CRCP: variants seen among roughly 807,000 people sequenced by gnomAD.
The protein encoded by CRCP is CGRP receptor component.
In CRCP, 18 loss-of-function variants were observed where a neutral mutation model predicts 18.5. The ratio of observed to expected loss-of-function variants is 0.97; its 90% CI spans 0.67 to 1.44. The LOEUF is 1.44. CRCP is among the 40% of genes most tolerant of loss of function. CRCP has a pLI of 0.00. For missense variants in CRCP, 130 were observed against 176.4 expected, an observed-to-expected ratio of 0.74 and a Z score of 1.49; for synonymous variants, 53 against 62.9, an observed-to-expected ratio of 0.84 and a Z score of 0.75.
chr7:66,130,097 CTTTTTTTTTTT>C lies in CRCP; in HGVS notation c.46-631_46-621del, dbSNP rs35682014. 1.4e-3 allele frequency: 136 copies of C among 100,576 alleles called. 1 individual carries two copies. Among genetic ancestry groups the C allele is most frequent in the African/African-American group, 9.8e-3 (123 of 12,574 alleles). 6.2% of individuals were successfully genotyped at this position (100,576 alleles called of 1,614,324 possible). Reference sequence around the variant, plus strand: ...ATTTTTATACTAGAGAAGCAGGATTCTTTTTTTTTTTTTTTTTTTTTTTTTTCAGATGGAGT... The same window carrying C: ...ATTTTTATACTAGAGAAGCAGGATTCTTTTTTTTTTTTTTTCAGATGGAGT... On this transcript the variant is annotated intron_variant, in intron 2 of 5. Transcript: ENST00000395326.
At chr7:66,146,034 G>A (rs1418955465) in intron 5 of CRCP, among the ~76,000 whole-genome samples, 1 of 152,078 alleles carries the variant, frequency 6.6e-6, no homozygotes, top group Non-Finnish European at 1.5e-5. Context: ...TGTTGCTTCT[G>A]TCTTCGTTCT....
At chr7:66,150,503 A>G (rs545364132) in intron 5 of CRCP, among the ~76,000 whole-genome samples, 17 of 151,766 alleles carry the variant, frequency 1.1e-4, no homozygotes, top group Admixed American at 2.6e-4. Context: ...ATCCTGGGAC[A>G]CCAGGATTAT....
At chr7:66,140,486 C>G (rs1262146599) in intron 4 of CRCP, among the ~76,000 whole-genome samples, 2 of 151,800 alleles carry the variant, frequency 1.3e-5, no homozygotes, top group African/African-American at 4.8e-5. Flanking sequence ...ACTGCCGCCT[C>G]CTGGGTTCAA....
chr7:66,130,567 T>A (rs1438676597), intron 2 of CRCP, among the ~76,000 whole-genome samples, 177 bp from the exon 3 acceptor site: 4 of 152,206 alleles, frequency 2.6e-5, no homozygotes, highest in Admixed American at 1.3e-4. Context: ...GAACATTTTT[T>A]AAAAATGTAA....
chr7:66,121,160 C>T (rs990188390), intron 1 of CRCP, among the ~76,000 whole-genome samples: 4 of 151,714 alleles, frequency 2.6e-5, no homozygotes, highest in Non-Finnish European at 4.4e-5. Context: ...CTGCAACCTC[C>T]GCCTCCCGAG....
chr7:66,137,510 A>T (rs148108242), intron 4 of CRCP, among the ~76,000 whole-genome samples: 2 of 152,322 alleles, frequency 1.3e-5, no homozygotes, highest in African/African-American at 4.8e-5. Context: ...GAGAGCAGAC[A>T]TCCTCATCTT....
chr7:66,121,609 G>A (rs1001626059), intron 1 of CRCP, among the ~76,000 whole-genome samples: 5 of 151,970 alleles, frequency 3.3e-5, no homozygotes, highest in African/African-American at 4.8e-5. Flanking sequence ...ACAGGCATGC[G>A]CCACCATGCA....
chr7:66,116,697 A>G (rs190838712), intron 1 of CRCP, among the ~76,000 whole-genome samples: 3 of 152,036 alleles, frequency 2.0e-5, no homozygotes, highest in Non-Finnish European at 2.9e-5. Flanking sequence ...CCCCACATAC[A>G]TGTCCCCCTC....
At chr7:66,124,341 C>T (rs1240831076) in intron 1 of CRCP, among the ~76,000 whole-genome samples, 1 of 152,034 alleles carries the variant, frequency 6.6e-6, no homozygotes, top group East Asian at 1.9e-4. Context: ...GCCTGGGAGA[C>T]AGAGCGAGAC....
intron 3 of CRCP, among the ~76,000 whole-genome samples, chr7:66,131,387 C>T (rs1005247229): frequency 2.0e-5 from 3 of 152,110 alleles, no homozygotes; most frequent in Non-Finnish European, 4.4e-5. Context: ...CCTCATTTCT[C>T]CTTGAAAGGG....
Position 66,149,841 on chromosome 7 carries a change from C to CT in CRCP, c.298-2366dup, listed in dbSNP as rs572928542. Among the ~76,000 whole-genome samples the CT allele has an allele frequency of 1.3e-4, 20 of 152,238 alleles. No individual in the cohort carries two copies. In the South Asian group the frequency reaches 4.1e-3, roughly 32 times the overall value. On this transcript the variant is annotated intron_variant, in intron 5 of 5. Transcript: ENST00000395326. ...TTCCCCAAAGAGAGTGGGTCTTACT[C>CT]TGTCACCCAGGCTGGAGTGCAGTGG... is the stretch of plus-strand genomic sequence containing the variant.
chr7:66,141,310 T>C (rs927098036), intron 4 of CRCP, among the ~76,000 whole-genome samples: 11 of 152,194 alleles, frequency 7.2e-5, no homozygotes, highest in African/African-American at 1.7e-4. Flanking sequence ...AAATACTAGA[T>C]CTTATTCATT....
chr7:66,123,144 C>T (rs986609484), intron 1 of CRCP, among the ~76,000 whole-genome samples: 1 of 151,628 alleles, frequency 6.6e-6, no homozygotes, highest in South Asian at 2.1e-4. Flanking sequence ...TTAGTAGAGA[C>T]GGGGTTTCAC....
At chr7:66,117,282 G>C (rs1787297697) in intron 1 of CRCP, among the ~76,000 whole-genome samples, 1 of 152,020 alleles carries the variant, frequency 6.6e-6, no homozygotes, top group Non-Finnish European at 1.5e-5. Context: ...CCTACATCAA[G>C]GACTACTTCA....
rs183019538 is a variant in CRCP, at chr7:66,148,939, T to C, written c.298-3269T>C. On this transcript the variant is annotated intron_variant, in intron 5 of 5. Coordinates refer to ENST00000395326, the MANE Select transcript of CRCP (RefSeq NM_014478.5). Reference sequence around the variant, plus strand: ...CAGTGAACTGTTCTGGATCAAATATTTAATAGTATACATTGTTGCTATCAG... The same window carrying C: ...CAGTGAACTGTTCTGGATCAAATATCTAATAGTATACATTGTTGCTATCAG... Among the ~76,000 whole-genome samples, 10 of 152,350 alleles carry C rather than the reference T, an allele frequency of 6.6e-5. No individual in the cohort carries two copies. The East Asian group carries it at 1.9e-3, about 29-fold the overall frequency.
At chr7:66,138,893 T>G (rs1429855993) in intron 4 of CRCP, among the ~76,000 whole-genome samples, 5 of 152,136 alleles carry the variant, frequency 3.3e-5, no homozygotes, top group Non-Finnish European at 7.3e-5. Context: ...TTCCCCAGTT[T>G]ATTTTTGCTG....
At chr7:66,127,064 A>C (rs781314065) in intron 1 of CRCP, among the ~76,000 whole-genome samples, 3 of 152,266 alleles carry the variant, frequency 2.0e-5, no homozygotes, top group Admixed American at 6.5e-5. Flanking sequence ...CAGAGCTAGA[A>C]CATGAACCCA....
At chr7:66,131,425 C>T (rs1488720048) in intron 3 of CRCP, among the ~76,000 whole-genome samples, 1 of 152,160 alleles carries the variant, frequency 6.6e-6, no homozygotes, top group African/African-American at 2.4e-5. Flanking sequence ...GCCTCAACCT[C>T]CTAGGCTCAG....
At chr7:66,115,080 G>A (rs1787213937) in intron 1 of CRCP, 110 bp downstream of exon 1, 4 of 1,486,884 alleles carry the variant, frequency 2.7e-6, no homozygotes, top group Non-Finnish European at 3.6e-6. Flanking sequence ...ACGGGAGTGA[G>A]GGCAGCGGGC....
Sources: gnomAD v4.1 joint callset for allele counts (sites outside exome capture counted in the v4.1 genomes callset) on GRCh38, gnomAD v4.1.1 for gene constraint, MANE v1.5 for transcripts, NCBI Gene and HGNC (gene_info 2026-07-23, HGNC 2026-07-21) for gene names.